The following TBC1D1 variants were observed in gnomAD, a reference collection of about 807,000 sequenced individuals.
TBC1D1 encodes the protein TBC1 domain family member 1, also known as TBC1 (tre-2/USP6, BUB2, cdc16) domain family, member 1.
Under a neutral mutation model 125.6 loss-of-function variants are expected in TBC1D1, and 89 were observed. That is an observed-to-expected ratio of 0.71 (90% CI 0.60 to 0.85). The LOEUF is 0.85. TBC1D1 is among the 40% of genes least tolerant of loss of function. The pLI is 0.00. For missense variants in TBC1D1, 1,377 were observed against 1,469.2 expected (o/e 0.94, Z 1.03); for synonymous variants, 565 against 564.1 (o/e 1.00, Z -0.02).
intron 2 of TBC1D1, among the ~76,000 whole-genome samples, chr4:37,945,512 C>CAAAAAAAAAAAAAAAAAA (rs59557310): frequency 4.8e-5 from 1 of 20,694 alleles, no homozygotes; most frequent in East Asian, 1.4e-3. Context: ...GACTCCACCT[C>CAAAAAAAAAAAAAAAAAA]AAAAAAAAAA....
At chr4:38,047,587 G>T (rs765975223) in intron 10 of TBC1D1, among the ~76,000 whole-genome samples, 4 of 152,088 alleles carry the variant, frequency 2.6e-5, no homozygotes, top group Non-Finnish European at 5.9e-5. Flanking sequence ...ACCACACACC[G>T]CCCCTTTCAT....
chr4:38,017,379 C>T (rs1218413625), intron 3 of TBC1D1, among the ~76,000 whole-genome samples: 3 of 152,176 alleles, frequency 2.0e-5, no homozygotes, highest in Non-Finnish European at 4.4e-5. Flanking sequence ...TTTTCATCAT[C>T]CTTGGTCTCC....
chr4:37,982,130 A>G (rs1447424604), intron 2 of TBC1D1, among the ~76,000 whole-genome samples: 4 of 152,058 alleles, frequency 2.6e-5, no homozygotes, highest in African/African-American at 9.7e-5. Flanking sequence ...GGGCTTATTT[A>G]TTTACCTTTG....
At chr4:38,036,217 C>G (rs1417100680) in intron 8 of TBC1D1, among the ~76,000 whole-genome samples, 1 of 152,184 alleles carries the variant, frequency 6.6e-6, no homozygotes, top group Non-Finnish European at 1.5e-5. Context: ...CCCTCCCCTC[C>G]TCCACTGTCT....
At chr4:38,005,891 C>T (rs1458614062) in intron 2 of TBC1D1, among the ~76,000 whole-genome samples, 3 of 152,160 alleles carry the variant, frequency 2.0e-5, no homozygotes, top group Admixed American at 2.0e-4. Flanking sequence ...GGTAGAAAAC[C>T]GCATTTCCAG....
intron 12 of TBC1D1, among the ~76,000 whole-genome samples, chr4:38,056,198 C>T (rs1751679453): frequency 6.6e-6 from 1 of 152,222 alleles, no homozygotes; most frequent in Admixed American, 6.5e-5. Flanking sequence ...TCCTGCCCTT[C>T]AGATGACAGA....
intron 13 of TBC1D1, among the ~76,000 whole-genome samples, chr4:38,090,485 G>T (rs1758246073): frequency 6.6e-6 from 1 of 152,034 alleles, no homozygotes; most frequent in South Asian, 2.1e-4. Context: ...GTGCCTGTGT[G>T]TTAGGTATGA....
At chr4:38,069,601 C>T (rs1754349089) in intron 12 of TBC1D1, among the ~76,000 whole-genome samples, 1 of 152,186 alleles carries the variant, frequency 6.6e-6, no homozygotes, top group African/African-American at 2.4e-5. Flanking sequence ...ATTCTGCACA[C>T]CAGCTCACCC....
At chr4:38,019,660 G>A (rs575047464) in intron 4 of TBC1D1, among the ~76,000 whole-genome samples, 2 of 152,218 alleles carry the variant, frequency 1.3e-5, no homozygotes, top group South Asian at 2.1e-4. Context: ...ATACATTGAT[G>A]TATTAATATT....
chr4:38,064,676 T>G (rs1258338733), intron 12 of TBC1D1, among the ~76,000 whole-genome samples: 3 of 150,290 alleles, frequency 2.0e-5, no homozygotes, highest in African/African-American at 4.9e-5. Flanking sequence ...CAGGCTGGAG[T>G]GCAGTGGTGC....
At chr4:37,913,508 A>G (rs549464947) in intron 2 of TBC1D1, among the ~76,000 whole-genome samples, 1 of 152,256 alleles carries the variant, frequency 6.6e-6, no homozygotes, top group South Asian at 2.1e-4. Context: ...CTGAGGCAAG[A>G]TAATCACTTG....
chr4:37,988,942 C>G (rs1227664774), intron 2 of TBC1D1, among the ~76,000 whole-genome samples: 2 of 152,220 alleles, frequency 1.3e-5, no homozygotes, highest in Non-Finnish European at 2.9e-5. Context: ...AAACAGATCT[C>G]AAATTCCAGC....
intron 2 of TBC1D1, among the ~76,000 whole-genome samples, chr4:37,927,165 ACAGCTATT>A (rs1455565686): frequency 1.3e-5 from 2 of 152,068 alleles, no homozygotes; most frequent in Non-Finnish European, 2.9e-5. Context: ...GTAAGTATTA[ACAGCTATT>A]CAAATTAACA....
At chr4:38,004,145 C>T (rs1433912648) in intron 2 of TBC1D1, among the ~76,000 whole-genome samples, 2 of 152,240 alleles carry the variant, frequency 1.3e-5, no homozygotes, top group African/African-American at 4.8e-5. Flanking sequence ...CAGCATCACA[C>T]ATTCATAGCT....
intron 12 of TBC1D1, among the ~76,000 whole-genome samples, chr4:38,063,973 G>A (rs1753232171): frequency 6.6e-6 from 1 of 152,174 alleles, no homozygotes; most frequent in South Asian, 2.1e-4. Flanking sequence ...AAAACCTGTA[G>A]TTGTCACTTG....
intron 2 of TBC1D1, among the ~76,000 whole-genome samples, chr4:38,011,920 C>T (rs1451669927): frequency 6.6e-6 from 1 of 152,168 alleles, no homozygotes; most frequent in Non-Finnish European, 1.5e-5. Flanking sequence ...TTGTTTGTAC[C>T]ATTTACTACT....
chr4:37,945,512 C>CAAAAAAAAAAAAAAA (rs59557310), intron 2 of TBC1D1, among the ~76,000 whole-genome samples: 2 of 20,694 alleles, frequency 9.7e-5, no homozygotes, highest in East Asian at 2.8e-3. Flanking sequence ...GACTCCACCT[C>CAAAAAAAAAAAAAAA]AAAAAAAAAA....
At chr4:38,025,497 CAG>C (rs2152442281) in intron 6 of TBC1D1, among the ~76,000 whole-genome samples, 1 of 152,318 alleles carries the variant, frequency 6.6e-6, no homozygotes, top group East Asian at 1.9e-4. Flanking sequence ...ATCCTGCAGA[CAG>C]GGTGAAATTG....
At chr4:38,064,517 T>C (rs1753336680) in intron 12 of TBC1D1, among the ~76,000 whole-genome samples, 1 of 151,850 alleles carries the variant, frequency 6.6e-6, no homozygotes. Context: ...CATGAGTGTG[T>C]GGGAAGGCTG....
Sources: allele counts gnomAD v4.1 joint callset (sites outside exome capture counted in the v4.1 genomes callset), GRCh38; gene constraint gnomAD v4.1.1; transcripts MANE v1.5; gene names NCBI Gene and HGNC (gene_info 2026-07-23, HGNC 2026-07-21).